Variants in GPR107 observed in about 807,000 individuals in gnomAD.
The protein encoded by GPR107 is protein GPR107.
In GPR107, 31 loss-of-function variants were observed where a neutral mutation model predicts 75.5. The ratio of observed to expected loss-of-function variants is 0.41; its 90% CI spans 0.31 to 0.55. The LOEUF is 0.55. Among genes scored for constraint, GPR107 ranks in the 20% least tolerant of loss-of-function variants. The probability of loss-of-function intolerance (pLI) is 0.26; values close to 1 mark genes in which losing one functional copy is unlikely to be tolerated. For synonymous variants in GPR107, 267 were observed against 251.3 expected (o/e 1.06, Z -0.59); for missense variants, 572 against 665.7 (o/e 0.86, Z 1.55).
chr9:130,075,699 G>T lies in GPR107; in HGVS notation c.205G>T (p.Val69Leu). 1 of 1,607,874 alleles carries T rather than the reference G, an allele frequency of 6.2e-7. No homozygotes were observed. The highest frequency in any genetic ancestry group is 8.5e-7 in the Non-Finnish European group (1 of 1,174,392). The change falls in exon 2 of 18, where the codon GTG becomes TTG. Residue 69 changes from valine (V) to leucine (L), a missense_variant. Coordinates refer to ENST00000347136, the MANE Select transcript of GPR107 (RefSeq NM_020960.5). ...CTTCTTCAAGGATGGGTACATGGTG[G>T]TGAATGTCAGTAGCCTCTCACTGAA... ...FGFFKDGYMV[V>L]NVSSLSLNEP...
intron 5 of GPR107, among the ~76,000 whole-genome samples, chr9:130,083,034 T>C (rs1323497270): frequency 6.6e-6 from 1 of 151,936 alleles, no homozygotes; most frequent in Non-Finnish European, 1.5e-5. Flanking sequence ...GATTCTCCTG[T>C]GTCAGCCTCC....
intron 1 of GPR107, among the ~76,000 whole-genome samples, chr9:130,066,110 G>A (rs756095385): frequency 6.6e-6 from 1 of 152,068 alleles, no homozygotes; most frequent in Non-Finnish European, 1.5e-5. Flanking sequence ...GACCAGCCTG[G>A]CCAACATGGT....
Position 130,053,951 on chromosome 9 carries a change from G to GTCGGCTCCC in GPR107, c.20_28dup (p.Ser9_Pro10insLeuGlySer). 6.4e-7 allele frequency: 1 copy of GTCGGCTCCC among 1,556,356 alleles called. No homozygotes were observed. The highest frequency in any genetic ancestry group is 8.7e-7 in the Non-Finnish European group (1 of 1,151,678). ...AACAAACATGGCCGCTCTGGCGCCC[G>GTCGGCTCCC]TCGGCTCCCCCGCCTCCCGCGGTCC... On this transcript the variant is annotated inframe_insertion, in exon 1 of 18. Transcript: ENST00000347136.
intron 7 of GPR107, among the ~76,000 whole-genome samples, chr9:130,086,803 G>A (rs1165471636): frequency 6.6e-6 from 1 of 152,098 alleles, no homozygotes; most frequent in African/African-American, 2.4e-5. Flanking sequence ...AAGTGTGCCA[G>A]AAGCATAGTA....
chr9:130,076,645 G>C (rs933279792), intron 3 of GPR107, among the ~76,000 whole-genome samples, 183 bp downstream of exon 3: 1 of 152,118 alleles, frequency 6.6e-6, no homozygotes, highest in Non-Finnish European at 1.5e-5. Context: ...CCCCTGAGTA[G>C]CTGGGACTAC....
chr9:130,132,600 A>G (rs1371657552), intron 17 of GPR107, among the ~76,000 whole-genome samples: 1 of 152,140 alleles, frequency 6.6e-6, no homozygotes, highest in Non-Finnish European at 1.5e-5. Context: ...CAGTCTCGCC[A>G]ACATGGTGAA....
chr9:130,100,576 T>C (rs1342982033), intron 10 of GPR107, 53 bp from the exon 11 acceptor site: 4 of 1,245,334 alleles, frequency 3.2e-6, no homozygotes, highest in South Asian at 2.4e-5. Context: ...AAAGATTCTT[T>C]GTGGAGCCAT....
Position 130,061,037 on chromosome 9 carries a change from T to G in GPR107, c.141+6964T>G, listed in dbSNP as rs1829914929. Among the ~76,000 whole-genome samples, 4 of 152,232 alleles carry G rather than the reference T, an allele frequency of 2.6e-5. No individual in the cohort carries two copies. The South Asian group carries it at 8.3e-4, about 31-fold the overall frequency. ...TTAAAATCTGCCAATATACATTCATTGACTTAAATGAGTGACATTAAGCTT... is the reference window on the plus strand; with the variant it reads ...TTAAAATCTGCCAATATACATTCATGGACTTAAATGAGTGACATTAAGCTT... On this transcript the variant is annotated intron_variant, in intron 1 of 17. Transcript: ENST00000347136.
intron 12 of GPR107, among the ~76,000 whole-genome samples, chr9:130,102,547 A>G (rs1831060905): frequency 6.6e-6 from 1 of 152,220 alleles, no homozygotes; most frequent in Non-Finnish European, 1.5e-5. Flanking sequence ...TATTTAGACA[A>G]TAGAACTAGT....
intron 1 of GPR107, among the ~76,000 whole-genome samples, chr9:130,065,379 G>A (rs1830043791): frequency 6.6e-6 from 1 of 151,856 alleles, no homozygotes; most frequent in African/African-American, 2.4e-5. Flanking sequence ...AAAGGTTACA[G>A]TGAGCCGAGA....
At chr9:130,056,986 A>AACCATCCTGG (rs1829808935) in intron 1 of GPR107, among the ~76,000 whole-genome samples, 1 of 151,268 alleles carries the variant, frequency 6.6e-6, no homozygotes, top group Non-Finnish European at 1.5e-5. Flanking sequence ...CCGCATTCAA[A>AACCATCCTGG]GCCATCCTGG....
intron 17 of GPR107, 80 bp from the exon 18 acceptor site, chr9:130,134,944 TA>T: frequency 1.3e-6 from 1 of 798,856 alleles, no homozygotes. Flanking sequence ...TCATCAGTCC[TA>T]ATCACCGTGC....
At chr9:130,078,857 G>C (rs1313825802) in intron 4 of GPR107, among the ~76,000 whole-genome samples, 2 of 152,176 alleles carry the variant, frequency 1.3e-5, no homozygotes, top group African/African-American at 4.8e-5. Context: ...GGGTGGGATG[G>C]GGTAAACAAA....
chr9:130,103,573 T>C lies in GPR107; in HGVS notation c.1132-847T>C, dbSNP rs1345925717. 1.3e-5 allele frequency among the ~76,000 whole-genome samples: 2 copies of C among 152,210 alleles called. No individual in the cohort carries two copies. The highest frequency in any genetic ancestry group is 2.9e-5 in the Non-Finnish European group (2 of 68,034). ...CGGGCCTGAGTACAGAGCTTAATAG[T>C]GGGCCTGAGTATATGAGGCTGTAGG... On this transcript the variant is annotated intron_variant, in intron 12 of 17. Transcript: ENST00000347136. This position sits in a 1 kb window ranked among gnomAD's most constrained non-coding sequence, Gnocchi z 4.3.
chr9:130,072,210 TTTTA>T (rs1188306127), intron 1 of GPR107, among the ~76,000 whole-genome samples: 1 of 151,680 alleles, frequency 6.6e-6, no homozygotes, highest in Non-Finnish European at 1.5e-5. Flanking sequence ...TTATTTATTT[TTTTA>T]TTTATTTAAT....
chr9:130,076,072 G>A (rs542439252), intron 2 of GPR107, among the ~76,000 whole-genome samples: 1 of 152,016 alleles, frequency 6.6e-6, no homozygotes, highest in South Asian at 2.1e-4. Flanking sequence ...GAGCCACTGC[G>A]CCCAGCCCAG....
intron 7 of GPR107, among the ~76,000 whole-genome samples, chr9:130,089,156 T>G (rs1283882247): frequency 6.6e-6 from 1 of 151,892 alleles, no homozygotes; most frequent in Admixed American, 6.6e-5. Flanking sequence ...GGCGACAGTC[T>G]GAGACTCCAT....
Position 130,136,908 on chromosome 9 carries a change from C to G in GPR107, c.*1787C>G, listed in dbSNP as rs1388865186. 6.6e-6 allele frequency: 1 copy of G among 152,246 alleles called. No homozygotes were observed. Among genetic ancestry groups the G allele is most frequent in the Non-Finnish European group, 1.5e-5 (1 of 68,046 alleles). 9.4% of individuals were successfully genotyped at this position (152,246 alleles called of 1,614,324 possible). A position where few individuals can be genotyped will look rare whatever the true frequency, so the allele number is the denominator to read the frequency against. ...CCCATCTTCAGGAGAAAGGTAAATG[C>G]ACCCTAAGTGTTCACTTCTGGACCT... On this transcript the variant is annotated 3_prime_UTR_variant, in exon 18 of 18. Coordinates refer to ENST00000347136, the MANE Select transcript of GPR107 (RefSeq NM_020960.5).
chr9:130,067,065 G>A (rs574913846), intron 1 of GPR107, among the ~76,000 whole-genome samples: 1 of 152,138 alleles, frequency 6.6e-6, no homozygotes, highest in African/African-American at 2.4e-5. Flanking sequence ...TAGGAAGAGA[G>A]CTGGGAGAAT....
Sources: gnomAD v4.1 joint callset for allele counts (sites outside exome capture counted in the v4.1 genomes callset) on GRCh38, gnomAD v4.1.1 for gene constraint, Gnocchi (gnomAD v3.1) non-coding constraint, MANE v1.5 for transcripts, NCBI Gene and HGNC (gene_info 2026-07-23, HGNC 2026-07-21) for gene names.